TUBB8: variants seen among roughly 807,000 people sequenced by gnomAD.
The protein encoded by TUBB8 is tubulin beta-8 chain.
Under a neutral mutation model 33.7 loss-of-function variants are expected in TUBB8, and 25 were observed. That is an observed-to-expected ratio of 0.74 (90% CI 0.54 to 1.04). The LOEUF (loss-of-function observed/expected upper bound fraction) is 1.04, where lower values mean the gene tolerates loss of function less well. Ranked by LOEUF, TUBB8 falls within the 50% of genes least tolerant of loss-of-function variation. TUBB8 has a pLI of 0.00. For missense variants in TUBB8, 279 were observed against 608.0 expected (o/e 0.46, Z 5.69); for synonymous variants, 245 against 240.1 (o/e 1.02, Z -0.19).
intron 1 of TUBB8, among the ~76,000 whole-genome samples, chr10:56,430 T>C (rs1834531905): frequency 6.6e-6 from 1 of 152,230 alleles, no homozygotes; most frequent in African/African-American, 2.4e-5. Flanking sequence ...AGTTAATTTA[T>C]AAAGGAAATA....
chr10:57,232 C>T (rs1404006547), intron 1 of TUBB8, among the ~76,000 whole-genome samples: 2 of 152,212 alleles, frequency 1.3e-5, no homozygotes, highest in Non-Finnish European at 2.9e-5. Context: ...GTGCCTCTGG[C>T]TGGTTTTGTG....
chr10:72,236 C>T (rs1405235041), intron 1 of TUBB8, among the ~76,000 whole-genome samples: 3 of 126,768 alleles, frequency 2.4e-5, no homozygotes, highest in Non-Finnish European at 5.1e-5. Flanking sequence ...AAAAAACAAA[C>T]AAAAAAATTT....
At chr10:75,022 G>A (rs1478296708), upstream of TUBB8, among the ~76,000 whole-genome samples, 5 of 122,798 alleles carry the variant, frequency 4.1e-5, no homozygotes, top group Admixed American at 8.0e-5. Flanking sequence ...TTACAGGTGC[G>A]CGCCACCATG....
intron 1 of TUBB8, among the ~76,000 whole-genome samples, chr10:65,146 T>A (rs2130947315): frequency 6.6e-6 from 1 of 152,238 alleles, no homozygotes; most frequent in East Asian, 1.9e-4. Context: ...AGAACCTGTC[T>A]CAAGAAAAGG....
chr10:54,158 C>G (rs1554739926), upstream of TUBB8, among the ~76,000 whole-genome samples: 1 of 152,164 alleles, frequency 6.6e-6, no homozygotes, highest in East Asian at 1.9e-4. Context: ...TTTTTTGTAC[C>G]CATTTCACAT....
At position 48,014 on chromosome 10, in the gene TUBB8, G is replaced by C; in HGVS notation, c.378C>G (p.Ser126Arg). 2.5e-6 allele frequency: 4 copies of C among 1,613,940 alleles called. No homozygotes were observed. Among genetic ancestry groups the C allele is most frequent in the Non-Finnish European group, 3.4e-6 (4 of 1,179,954 alleles). ...GCTGGAAACCCTGCAGGCAGTCACA[G>C]CTCTCAGCCTCCTTTCTGACAACGT... ...VMDVVRKEAE[S>R]CDCLQGFQLT... Residue 126 changes from serine to arginine, a missense_variant, in exon 4 of 4, where the codon AGC becomes AGG. Ser to Arg is a moderately radical substitution (Grantham distance 110). Around this residue, in one of 4 missense-constraint regions of TUBB8, gnomAD observed 96 missense variants for 233.7 expected, o/e 0.41. Transcript: ENST00000568584.
intron 1 of TUBB8, among the ~76,000 whole-genome samples, chr10:66,651 AAAAG>A (rs1272041586): frequency 6.6e-6 from 1 of 152,218 alleles, no homozygotes; most frequent in Non-Finnish European, 1.5e-5. Context: ...CATGCCTTGA[AAAAG>A]AAAGAAAAAG....
chr10:75,654 CAAAA>C (rs35362588), upstream of TUBB8, among the ~76,000 whole-genome samples: 2 of 93,554 alleles, frequency 2.1e-5, no homozygotes, highest in African/African-American at 4.5e-5. Flanking sequence ...GACTCTGTCT[CAAAA>C]AAAAAAAAAA....
chr10:65,106 C>T (rs1422066469), intron 1 of TUBB8, among the ~76,000 whole-genome samples: 1 of 152,188 alleles, frequency 6.6e-6, no homozygotes, highest in South Asian at 2.1e-4. Context: ...CAAGACTGTG[C>T]CACTGCACTC....
intron 1 of TUBB8, among the ~76,000 whole-genome samples, chr10:73,757 T>G (rs72651762): frequency 0.04 from 4,451 of 111,626 alleles, no homozygotes; most frequent in African/African-American, 0.087. Flanking sequence ...GCGTCTCCGC[T>G]TTCCTCCTCC....
chr10:68,158 A>G (rs1554741879), intron 1 of TUBB8, among the ~76,000 whole-genome samples: 2 of 152,228 alleles, frequency 1.3e-5, no homozygotes, highest in East Asian at 3.8e-4. Context: ...TCATACTGGT[A>G]TAACATATCA....
intron 1 of TUBB8, among the ~76,000 whole-genome samples, chr10:73,029 C>T (rs1304925849): frequency 1.3e-5 from 2 of 151,628 alleles, no homozygotes; most frequent in Non-Finnish European, 2.9e-5. Context: ...GGTATCATGT[C>T]AAAGCTTGAT....
In TUBB8 at chr10:47,029, T is replaced by C. The variant is rs782295815; in HGVS notation, c.*28A>G. ...AACACAGTAAAGAATCCACACTGCT[T>C]CCCCCCTTTACCTAGAAAAGGAGAG... On this transcript the variant is annotated 3_prime_UTR_variant, in exon 4 of 4. Transcript: ENST00000568584. The C allele has an allele frequency of 5.4e-6, 4 of 735,174 alleles. No homozygotes were observed. In the African/African-American group the frequency reaches 7.3e-5, roughly 13 times the overall value. The allele number at this position is 735,174 out of a possible 1,614,324, so 45.5% of individuals were successfully genotyped here. A position where few individuals can be genotyped will look rare whatever the true frequency, so the allele number is the denominator to read the frequency against.
intron 1 of TUBB8, among the ~76,000 whole-genome samples, chr10:61,318 T>A (rs2130943684): frequency 6.6e-6 from 1 of 152,364 alleles, no homozygotes; most frequent in Non-Finnish European, 1.5e-5. Flanking sequence ...TTTCTATTAT[T>A]TGTTTCAAGA....
At chr10:69,684 G>T (rs550739025) in intron 1 of TUBB8, among the ~76,000 whole-genome samples, 5 of 139,476 alleles carry the variant, frequency 3.6e-5, no homozygotes, top group South Asian at 2.2e-4. Context: ...CAGCACTTTG[G>T]GGGGATCTGA....
At chr10:66,255 ATAT>A (rs1235398826) in intron 1 of TUBB8, among the ~76,000 whole-genome samples, 1 of 152,254 alleles carries the variant, frequency 6.6e-6, no homozygotes, top group African/African-American at 2.4e-5. Context: ...AACCCCCAAA[ATAT>A]TATTAAAACT....
chr10:66,050 A>G (rs146514023), intron 1 of TUBB8, among the ~76,000 whole-genome samples: 3,796 of 152,300 alleles, frequency 0.025, 46 homozygotes, highest in Middle Eastern at 0.068. Context: ...GTCAGGGCCC[A>G]GTGCTTTACT....
intron 1 of TUBB8, among the ~76,000 whole-genome samples, chr10:59,070 A>C (rs1199592213): frequency 6.6e-6 from 1 of 152,276 alleles, no homozygotes; most frequent in South Asian, 2.1e-4. Flanking sequence ...TCTGTCATAT[A>C]TGACTTTTAT....
intron 1 of TUBB8, 55 bp downstream of exon 1, chr10:49,127 C>G: frequency 1.3e-6 from 2 of 1,531,120 alleles, no homozygotes; most frequent in Non-Finnish European, 1.8e-6. Context: ...CTGCCAACAC[C>G]TTCCCCGGCC....
Sources: gnomAD v4.1 joint callset for allele counts (sites outside exome capture counted in the v4.1 genomes callset) on GRCh38, gnomAD v4.1.1 for gene constraint, gnomAD v4.1.1 regional missense constraint, MANE v1.5 for transcripts, NCBI Gene and HGNC (gene_info 2026-07-23, HGNC 2026-07-21) for gene names.